EBF3: variants seen among roughly 807,000 people sequenced by gnomAD.
EBF3 encodes the protein transcription factor COE3.
A neutral mutation model predicts 77.1 loss-of-function variants in EBF3; 18 were observed. The observed-to-expected ratio is 0.23, with a 90% CI of 0.16 to 0.35. The LOEUF is 0.35. Ranked by LOEUF, EBF3 falls within the 10% of genes least tolerant of loss-of-function variation. EBF3 has a pLI of 1.00. For synonymous variants in EBF3, 350 were observed against 343.5 expected, an observed-to-expected ratio of 1.02 and a Z score of -0.21; for missense variants, 558 against 860.0, an observed-to-expected ratio of 0.65 and a Z score of 4.39.
At position 129,836,292 on chromosome 10, in the gene EBF3, T is replaced by A. The variant is rs1410166452; in HGVS notation, c.*1651A>T. On this transcript the variant is annotated 3_prime_UTR_variant, in exon 17 of 17. Transcript: ENST00000440978. Reference sequence around the variant, plus strand: ...TTAATTAAAACATCAGAAGTAAATTTTATTTTAAACTTTAGGCCTCTGAAT... The same window carrying A: ...TTAATTAAAACATCAGAAGTAAATTATATTTTAAACTTTAGGCCTCTGAAT... 6.6e-6 allele frequency: 1 copy of A among 152,624 alleles called. No individual in the cohort carries two copies. The highest frequency in any genetic ancestry group is 2.4e-5 in the African/African-American group (1 of 41,458). 9.5% of individuals were successfully genotyped at this position (152,624 alleles called of 1,614,324 possible).
chr10:129,942,696 T>C (rs192696100), intron 6 of EBF3, among the ~76,000 whole-genome samples: 2 of 152,358 alleles, frequency 1.3e-5, no homozygotes, highest in African/African-American at 4.8e-5. Flanking sequence ...TTCTTCTAAA[T>C]AACGCCTGCC....
At chr10:129,878,110 C>T (rs1852924525) in intron 6 of EBF3, among the ~76,000 whole-genome samples, 1 of 152,158 alleles carries the variant, frequency 6.6e-6, no homozygotes, top group African/African-American at 2.4e-5. Context: ...GCGACTTTCG[C>T]ATTGGCATTT....
rs199955197 is a variant in EBF3 at position 129,947,685 on chromosome 10, G to GAAAA, written c.554+9569_554+9572dup. Among the ~76,000 whole-genome samples, 1 of 121,530 alleles carries GAAAA rather than the reference G, an allele frequency of 8.2e-6. No individual in the cohort carries two copies. The highest frequency in any genetic ancestry group is 3.1e-5 in the African/African-American group (1 of 32,648). 79.7% of individuals were successfully genotyped at this position (121,530 alleles called of 152,430 possible). ...TCTTTGCAAAGGAACCAAATGCTTT[G>GAAAA]AAAAAAAAAAAAAAAGAAGGGCAGG... On this transcript the variant is annotated intron_variant, in intron 6 of 16. Coordinates refer to ENST00000440978, the MANE Select transcript of EBF3 (RefSeq NM_001375380.1). The surrounding 1 kb of genome is among the most constrained non-coding windows in gnomAD (Gnocchi z 4.5).
rs1287698573 is a variant in EBF3 at position 129,842,985 on chromosome 10, G to A, written c.1194+152C>T. 5.6e-6 allele frequency: 4 copies of A among 709,014 alleles called. No individual in the cohort carries two copies. Among genetic ancestry groups the A allele is most frequent in the South Asian group, 3.8e-5 (2 of 52,248 alleles). The allele number at this position is 709,014 out of a possible 1,614,324, so 43.9% of individuals were successfully genotyped here. A position where few individuals can be genotyped will look rare whatever the true frequency, so the allele number is the denominator to read the frequency against. On this transcript the variant is annotated intron_variant, in intron 12 of 16. Transcript: ENST00000440978. The surrounding 1 kb of genome is among the most constrained non-coding windows in gnomAD (Gnocchi z 4.4). ...ATTTCTACGTGAACCTAGCGTGAGG[G>A]CAAGGATGGGAAGCCATTCTCACAT...
chr10:129,889,968 TTTTTTTTTG>T (rs1392908931), intron 6 of EBF3, among the ~76,000 whole-genome samples: 21 of 133,182 alleles, frequency 1.6e-4, no homozygotes, highest in Admixed American at 2.9e-4. Flanking sequence ...TTTTTTTTTT[TTTTTTTTTG>T]GTTATGAAGA....
chr10:129,918,117 C>T (rs1856019164), intron 6 of EBF3, among the ~76,000 whole-genome samples: 1 of 152,210 alleles, frequency 6.6e-6, no homozygotes, highest in Non-Finnish European at 1.5e-5. Flanking sequence ...CCCCTCACTG[C>T]ACCCACAAAA....
rs1209602469 is a variant in EBF3 at position 129,879,494 on chromosome 10, A to C, written c.555-1645T>G. ...ACTCATCTAAGTGCCCCCCCAGCAT[A>C]TCCTGGATGACTTCTTACTGTGGCA... On this transcript the variant is annotated intron_variant, in intron 6 of 16. Transcript: ENST00000440978. This position sits in a 1 kb window ranked among gnomAD's most constrained non-coding sequence, Gnocchi z 4.7. Among the ~76,000 whole-genome samples, 2 of 152,214 alleles carry C rather than the reference A, an allele frequency of 1.3e-5. No individual in the cohort carries two copies. Among genetic ancestry groups the C allele is most frequent in the African/African-American group, 4.8e-5 (2 of 41,456 alleles).
chr10:129,949,922 C>A (rs1858529551), intron 6 of EBF3, among the ~76,000 whole-genome samples: 1 of 151,652 alleles, frequency 6.6e-6, no homozygotes, highest in African/African-American at 2.4e-5. Flanking sequence ...GTTTTGTCTC[C>A]TTCTGTGCTT....
chr10:129,837,895 ATGCTGGG>A lies in EBF3; in HGVS notation c.*41_*47del. 1 of 1,614,086 alleles carries A rather than the reference ATGCTGGG, an allele frequency of 6.2e-7. No homozygotes were observed. The highest frequency in any genetic ancestry group is 8.5e-7 in the Non-Finnish European group (1 of 1,179,950). ...CGTGTCCCCTGAAGTCCGTCCTTTG[ATGCTGGG>A]TGCTGCGGAAGGTAAACAGAAGTCC... is the stretch of plus-strand genomic sequence containing the variant. On this transcript the variant is annotated 3_prime_UTR_variant, in exon 17 of 17. Transcript: ENST00000440978.
intron 10 of EBF3, among the ~76,000 whole-genome samples, chr10:129,850,091 T>TA (rs1209881034): frequency 1.3e-5 from 2 of 152,236 alleles, no homozygotes; most frequent in African/African-American, 4.8e-5. Flanking sequence ...AAGGATTAGA[T>TA]AAAGTATTAC....
intron 6 of EBF3, among the ~76,000 whole-genome samples, chr10:129,950,236 T>C (rs1858572932): frequency 1.3e-5 from 2 of 152,192 alleles, no homozygotes; most frequent in African/African-American, 4.8e-5. Flanking sequence ...TAAACTCATT[T>C]CCTAGTGAAT....
intron 6 of EBF3, among the ~76,000 whole-genome samples, chr10:129,926,875 T>C (rs1856713392): frequency 6.6e-6 from 1 of 152,126 alleles, no homozygotes; most frequent in Non-Finnish European, 1.5e-5. Flanking sequence ...TCAGGTGTGC[T>C]CAGCGTTCCC....
intron 6 of EBF3, among the ~76,000 whole-genome samples, chr10:129,915,747 C>T (rs1206668126): frequency 1.3e-5 from 2 of 152,176 alleles, no homozygotes; most frequent in Non-Finnish European, 2.9e-5. Flanking sequence ...CGCCTGAACA[C>T]GCCCGATGCC....
chr10:129,901,862 G>A (rs1333946440), intron 6 of EBF3, among the ~76,000 whole-genome samples: 1 of 152,218 alleles, frequency 6.6e-6, no homozygotes, highest in African/African-American at 2.4e-5. Flanking sequence ...TGACAGCAGA[G>A]CTCACACCCA....
chr10:129,904,260 T>C (rs1854979446), intron 6 of EBF3, among the ~76,000 whole-genome samples: 1 of 152,184 alleles, frequency 6.6e-6, no homozygotes, highest in Admixed American at 6.5e-5. Flanking sequence ...CTTGGTATAT[T>C]TAGCAACAAC....
Position 129,873,476 on chromosome 10 carries a change from T to C in EBF3, c.757A>G (p.Thr253Ala). The C allele has an allele frequency of 6.3e-7, 1 of 1,574,912 alleles. No individual in the cohort carries two copies. Among genetic ancestry groups the C allele is most frequent in the Non-Finnish European group, 8.6e-7 (1 of 1,158,400 alleles). ...CCATTTTCCAGATAAGAAGGGGCCGTACCTTCTGACGGGTCTAGGCGGCGG... is the reference window on the plus strand; with the variant it reads ...CCATTTTCCAGATAAGAAGGGGCCGCACCTTCTGACGGGTCTAGGCGGCGG... ...RARRLDPSEG[T>A]APSYLENATP... Residue 253 changes from threonine (T) to alanine (A), a missense_variant, in exon 8 of 17, where the codon ACG becomes GCG. By Grantham distance (58) the Thr-to-Ala change is moderately conservative (BLOSUM62 0). This residue lies in a region of EBF3 where 112 missense variants were observed against 207.7 expected (regional missense o/e 0.54). Transcript: ENST00000440978.
rs2134045368 is a variant in EBF3, at chr10:129,861,769, T to A, written c.1039+5372A>T. ...CTCCAGGACCCATGAGGAAAGCATG[T>A]GGTTTACATGGAAGGAAGGCATTAG... On this transcript the variant is annotated intron_variant, in intron 10 of 16. Transcript: ENST00000440978. The surrounding 1 kb of genome is among the most constrained non-coding windows in gnomAD (Gnocchi z 4.3). 6.6e-6 allele frequency among the ~76,000 whole-genome samples: 1 copy of A among 152,242 alleles called. No homozygotes were observed. The highest frequency in any genetic ancestry group is 2.1e-4 in the South Asian group (1 of 4,824).
intron 6 of EBF3, among the ~76,000 whole-genome samples, chr10:129,920,349 G>A (rs535404082): frequency 1.2e-4 from 18 of 150,866 alleles, no homozygotes; most frequent in South Asian, 2.1e-4. Context: ...CCACAAACCC[G>A]CCCCGCTGTG....
Position 129,943,272 on chromosome 10 carries a change from G to A in EBF3, c.554+13986C>T, listed in dbSNP as rs1309310819. On this transcript the variant is annotated intron_variant, in intron 6 of 16. Transcript: ENST00000440978. The surrounding 1 kb of genome is among the most constrained non-coding windows in gnomAD (Gnocchi z 8.8). ...AACAAATAAACAGCAAATACTTACA[G>A]GAGACAGCCTTGTAGAACTGATTCC... 6.6e-6 allele frequency among the ~76,000 whole-genome samples: 1 copy of A among 152,208 alleles called. No individual in the cohort carries two copies. The highest frequency in any genetic ancestry group is 1.5e-5 in the Non-Finnish European group (1 of 68,042).
Sources: allele counts gnomAD v4.1 joint callset (sites outside exome capture counted in the v4.1 genomes callset), GRCh38; gene constraint gnomAD v4.1.1; regional missense constraint gnomAD v4.1.1; non-coding constraint Gnocchi (gnomAD v3.1); transcripts MANE v1.5; gene names NCBI Gene and HGNC (gene_info 2026-07-23, HGNC 2026-07-21).